SNX25: variants seen among roughly 807,000 people sequenced by gnomAD.
SNX25 encodes the protein sorting nexin-25.
A neutral mutation model predicts 113.7 loss-of-function variants in SNX25; 62 were observed. The observed-to-expected ratio is 0.55, with a 90% CI of 0.44 to 0.67. SNX25 has a LOEUF of 0.67. Among genes scored for constraint, SNX25 ranks in the 30% least tolerant of loss-of-function variants. The pLI is 0.00. For synonymous variants in SNX25, 421 were observed against 436.2 expected, an observed-to-expected ratio of 0.97 and a Z score of 0.43; for missense variants, 1,014 against 1,161.0, an observed-to-expected ratio of 0.87 and a Z score of 1.84.
intron 6 of SNX25, among the ~76,000 whole-genome samples, chr4:185,293,789 TG>T (rs1752494269): frequency 6.6e-6 from 1 of 152,202 alleles, no homozygotes; most frequent in African/African-American, 2.4e-5. Context: ...TTCATAATTT[TG>T]TAGTAATGAA....
At chr4:185,355,628 A>G (rs1342665094) in intron 15 of SNX25, among the ~76,000 whole-genome samples, 1 of 152,280 alleles carries the variant, frequency 6.6e-6, no homozygotes, top group Non-Finnish European at 1.5e-5. Context: ...AGAAATATCT[A>G]TATGATGGAA....
At chr4:185,268,521 T>A (rs146439191) in intron 5 of SNX25, among the ~76,000 whole-genome samples, 1 of 152,170 alleles carries the variant, frequency 6.6e-6, no homozygotes, top group African/African-American at 2.4e-5. Context: ...TGTTCCCAAA[T>A]GATAATATAG....
chr4:185,312,325 AC>A (rs1240455706), intron 7 of SNX25, among the ~76,000 whole-genome samples: 1 of 152,164 alleles, frequency 6.6e-6, no homozygotes, highest in East Asian at 1.9e-4. Flanking sequence ...TGAGATAAAT[AC>A]CTAGGAGAAG....
At chr4:185,252,762 A>C (rs1221609761) in intron 2 of SNX25, among the ~76,000 whole-genome samples, 1 of 152,218 alleles carries the variant, frequency 6.6e-6, no homozygotes, top group Non-Finnish European at 1.5e-5. Flanking sequence ...ATTGAATTAC[A>C]AAGAAGAAAG....
intron 10 of SNX25, among the ~76,000 whole-genome samples, chr4:185,335,174 G>T (rs1416113456): frequency 6.6e-6 from 1 of 151,912 alleles, no homozygotes; most frequent in Admixed American, 6.6e-5. Flanking sequence ...ATAACAATTA[G>T]CCTGTCGTGG....
intron 7 of SNX25, among the ~76,000 whole-genome samples, chr4:185,315,292 ATTT>A (rs56655112): frequency 0.022 from 2,631 of 119,310 alleles, 49 homozygotes; most frequent in African/African-American, 0.059. Context: ...TTCACTGGTG[ATTT>A]TTTTTTTTTT....
intron 6 of SNX25, among the ~76,000 whole-genome samples, chr4:185,302,109 T>G (rs1289171498): frequency 6.7e-6 from 1 of 149,520 alleles, no homozygotes; most frequent in Non-Finnish European, 1.5e-5. Flanking sequence ...TGTTTTTTTT[T>G]TTTTTTAGTA....
chr4:185,361,641 G>A (rs1292832430), intron 16 of SNX25, among the ~76,000 whole-genome samples: 2 of 152,220 alleles, frequency 1.3e-5, no homozygotes, highest in East Asian at 3.9e-4. Flanking sequence ...GGGAAGCTGA[G>A]GCAGGAGAAT....
Position 185,311,169 on chromosome 4 carries a change from G to A in SNX25, c.1344+353G>A, listed in dbSNP as rs968815717. Among the ~76,000 whole-genome samples, 5 of 152,282 alleles carry A rather than the reference G, an allele frequency of 3.3e-5. No individual in the cohort carries two copies. The East Asian group carries it at 5.8e-4, about 18-fold the overall frequency. ...AATAGAAATAACCACCTATGAAGTA[G>A]GAGGCATCTTCTAAATTATTTTTAC... On this transcript the variant is annotated intron_variant, in intron 7 of 18. Coordinates refer to ENST00000652585, the MANE Select transcript of SNX25 (RefSeq NM_001378034.2).
At chr4:185,259,644 A>G (rs1032960854) in intron 3 of SNX25, among the ~76,000 whole-genome samples, 2 of 152,194 alleles carry the variant, frequency 1.3e-5, no homozygotes, top group African/African-American at 4.8e-5. Flanking sequence ...GAGAAATTTC[A>G]TTATGAAAGT....
chr4:185,247,037 C>A (rs1744957456), intron 1 of SNX25, among the ~76,000 whole-genome samples: 1 of 152,052 alleles, frequency 6.6e-6, no homozygotes, highest in Non-Finnish European at 1.5e-5. Flanking sequence ...TTGTTTACTC[C>A]CTACCATTGT....
At chr4:185,224,490 AAT>A (rs1320212946) in intron 1 of SNX25, among the ~76,000 whole-genome samples, 1 of 132,986 alleles carries the variant, frequency 7.5e-6, no homozygotes, top group Non-Finnish European at 1.6e-5. Flanking sequence ...TAGATATATA[AAT>A]AGATATATAA....
At chr4:185,369,209 T>C (rs1436726379) in intron 11 of SNX25, among the ~76,000 whole-genome samples, 1 of 150,260 alleles carries the variant, frequency 6.7e-6, no homozygotes, top group Non-Finnish European at 1.5e-5. Flanking sequence ...GGTTTGGAAA[T>C]TGATGTAATA....
chr4:185,334,262 C>T lies in SNX25; in HGVS notation c.1914+1503C>T, dbSNP rs1267045292. The stretch of plus-strand genomic sequence containing the variant: ...GTGAGGCAGGAGAATCTCTTGAACC[C>T]GGGAGGCAGAAGTTGCGTGAGCCAA... On this transcript the variant is annotated intron_variant, in intron 10 of 18. Coordinates refer to ENST00000652585, the MANE Select transcript of SNX25 (RefSeq NM_001378034.2). The surrounding 1 kb of genome is among the most constrained non-coding windows in gnomAD (Gnocchi z 4.2). 6.6e-6 allele frequency among the ~76,000 whole-genome samples: 1 copy of T among 151,974 alleles called. No individual in the cohort carries two copies. The highest frequency in any genetic ancestry group is 1.5e-5 in the Non-Finnish European group (1 of 67,988).
intron 5 of SNX25, among the ~76,000 whole-genome samples, chr4:185,281,109 C>T (rs963859580): frequency 2.6e-5 from 4 of 152,046 alleles, no homozygotes; most frequent in African/African-American, 7.2e-5. Context: ...GTCTCTTGCT[C>T]TTTATGTGGG....
intron 1 of SNX25, among the ~76,000 whole-genome samples, chr4:185,239,218 A>T (rs544598457): frequency 2.0e-5 from 3 of 151,802 alleles, no homozygotes; most frequent in South Asian, 4.2e-4. Context: ...GCGGTGGCTC[A>T]CACCTGTAAT....
At chr4:185,251,447 A>G (rs777422208) in intron 2 of SNX25, among the ~76,000 whole-genome samples, 51 of 152,066 alleles carry the variant, frequency 3.4e-4, no homozygotes, top group Non-Finnish European at 3.7e-4. Flanking sequence ...TTTTGTCCCT[A>G]TGAATTTGAC....
At chr4:185,350,470 A>G (rs1026598729) in intron 13 of SNX25, among the ~76,000 whole-genome samples, 8 of 152,208 alleles carry the variant, frequency 5.3e-5, no homozygotes, top group African/African-American at 1.9e-4. Flanking sequence ...TAGCACTTGT[A>G]CATAGACAAG....
rs989696426 is a variant in SNX25, at chr4:185,210,961, A to G, written c.429+706A>G. The stretch of plus-strand genomic sequence containing the variant: ...ATGAGCGCTTCTCTTCTTCAGTGCC[A>G]AACCCACTGCCCCATCTTTCTTCCA... On this transcript the variant is annotated intron_variant, in intron 1 of 18. Transcript: ENST00000652585. The surrounding 1 kb of genome is among the most constrained non-coding windows in gnomAD (Gnocchi z 4.4). Among the ~76,000 whole-genome samples, 51 of 152,096 alleles carry G rather than the reference A, an allele frequency of 3.4e-4. No individual in the cohort carries two copies. The highest frequency in any genetic ancestry group is 1.2e-3 in the African/African-American group (50 of 41,416).
Sources: allele counts gnomAD v4.1 joint callset (sites outside exome capture counted in the v4.1 genomes callset), GRCh38; gene constraint gnomAD v4.1.1; non-coding constraint Gnocchi (gnomAD v3.1); transcripts MANE v1.5; gene names NCBI Gene and HGNC (gene_info 2026-07-23, HGNC 2026-07-21).